MACROD2: variants seen among roughly 807,000 people sequenced by gnomAD.
The protein encoded by MACROD2 is ADP-ribose glycohydrolase MACROD2.
MACROD2 carries 36 observed loss-of-function variants against 70.4 expected under a neutral mutation model. The ratio of observed to expected loss-of-function variants is 0.51; its 90% CI spans 0.39 to 0.68. The LOEUF is 0.68. Among genes scored for constraint, MACROD2 ranks in the 30% least tolerant of loss-of-function variants. MACROD2 has a pLI of 0.00. For synonymous variants in MACROD2, 172 were observed against 178.8 expected, an observed-to-expected ratio of 0.96 and a Z score of 0.30; for missense variants, 496 against 538.4, an observed-to-expected ratio of 0.92 and a Z score of 0.78.
chr20:14,353,083 G>C (rs762052220), intron 3 of MACROD2, among the ~76,000 whole-genome samples: 7 of 151,994 alleles, frequency 4.6e-5, no homozygotes, highest in Non-Finnish European at 7.4e-5. Context: ...ATTATGAGTG[G>C]CTTAAACAAT....
At chr20:14,575,610 T>G (rs1007646316) in intron 4 of MACROD2, among the ~76,000 whole-genome samples, 1 of 152,322 alleles carries the variant, frequency 6.6e-6, no homozygotes, top group Non-Finnish European at 1.5e-5. Flanking sequence ...AATTGAATTT[T>G]AGTGAGTATT....
chr20:15,399,494 C>G (rs1180786176), intron 6 of MACROD2, among the ~76,000 whole-genome samples: 1 of 152,166 alleles, frequency 6.6e-6, no homozygotes, highest in Non-Finnish European at 1.5e-5. Context: ...CCTGTTTCCT[C>G]GAGCATTTCC....
intron 8 of MACROD2, among the ~76,000 whole-genome samples, chr20:15,835,703 A>T (rs1341384416): frequency 1.3e-5 from 2 of 152,180 alleles, no homozygotes; most frequent in Non-Finnish European, 2.9e-5. Flanking sequence ...ATAATGAGGA[A>T]ACTGAAGCTT....
At chr20:14,026,727 G>A (rs1022664445) in intron 2 of MACROD2, among the ~76,000 whole-genome samples, 14 of 152,154 alleles carry the variant, frequency 9.2e-5, no homozygotes, top group Admixed American at 2.6e-4. Context: ...TTAGTCTGAT[G>A]GGCTTCCCTT....
At chr20:14,068,893 A>C (rs961602345) in intron 2 of MACROD2, among the ~76,000 whole-genome samples, 1 of 152,160 alleles carries the variant, frequency 6.6e-6, no homozygotes, top group African/African-American at 2.4e-5. Context: ...TTCTGCCCAA[A>C]GATAAATTTT....
At chr20:15,608,425 C>G (rs1303751051) in intron 8 of MACROD2, among the ~76,000 whole-genome samples, 1 of 152,166 alleles carries the variant, frequency 6.6e-6, no homozygotes, top group Non-Finnish European at 1.5e-5. Flanking sequence ...CTCTGCGTAG[C>G]TGTTATTTCC....
intron 8 of MACROD2, among the ~76,000 whole-genome samples, chr20:15,506,871 GC>G (rs1460008109): frequency 6.6e-6 from 1 of 152,168 alleles, no homozygotes; most frequent in African/African-American, 2.4e-5. Context: ...TCTCAGGAAT[GC>G]CTTTTTATGT....
intron 7 of MACROD2, among the ~76,000 whole-genome samples, chr20:15,451,112 T>G (rs986269595): frequency 5.3e-5 from 8 of 152,124 alleles, no homozygotes; most frequent in African/African-American, 1.4e-4. Context: ...TGTGAAATTT[T>G]GTATTGTCTT....
At chr20:14,011,529 G>C (rs913221589) in intron 2 of MACROD2, among the ~76,000 whole-genome samples, 2 of 146,168 alleles carry the variant, frequency 1.4e-5, no homozygotes, top group Admixed American at 7.0e-5. Context: ...CTTTCTCTTC[G>C]ATTTTTTTTT....
chr20:14,140,784 C>T (rs1395099521), intron 3 of MACROD2, among the ~76,000 whole-genome samples: 1 of 152,040 alleles, frequency 6.6e-6, no homozygotes, highest in Non-Finnish European at 1.5e-5. Flanking sequence ...TGCCAGAGAC[C>T]TCTTTATTTT....
At chr20:15,038,137 C>G (rs1178669131) in intron 5 of MACROD2, among the ~76,000 whole-genome samples, 1 of 152,072 alleles carries the variant, frequency 6.6e-6, no homozygotes, top group East Asian at 1.9e-4. Context: ...ATATATGCCA[C>G]CTAGCTAATA....
chr20:15,023,106 T>C (rs2075202039), intron 5 of MACROD2: 1 of 152,112 alleles, frequency 6.6e-6, no homozygotes, highest in South Asian at 2.1e-4. Flanking sequence ...CATGCCCAGA[T>C]CAGGCTTCAG....
intron 11 of MACROD2, among the ~76,000 whole-genome samples, chr20:15,936,671 GTATATA>G (rs10626103): frequency 1.4e-5 from 2 of 143,268 alleles, no homozygotes; most frequent in African/African-American, 5.2e-5. Flanking sequence ...GTATATGTGT[GTATATA>G]TATATATATA....
chr20:14,596,234 C>T (rs1229459770), intron 4 of MACROD2, among the ~76,000 whole-genome samples: 1 of 151,544 alleles, frequency 6.6e-6, no homozygotes, highest in South Asian at 2.1e-4. Context: ...TACATACAGG[C>T]GCCCGCCACC....
intron 8 of MACROD2, among the ~76,000 whole-genome samples, chr20:15,810,624 G>T (rs2147086273): frequency 6.6e-6 from 1 of 152,284 alleles, no homozygotes; most frequent in South Asian, 2.1e-4. Context: ...AGCCCGCATT[G>T]CCAAGTCAAT....
chr20:15,072,235 G>A lies in MACROD2; in HGVS notation c.419-157705G>A, dbSNP rs973775843. On this transcript the variant is annotated intron_variant, in intron 5 of 17. Transcript: ENST00000684519. ...CCTTTGTTGACAAATAGTTACAGGC[G>A]TGACTGATTTGATAGTTCATTGGAA... Among the ~76,000 whole-genome samples the A allele has an allele frequency of 3.3e-5, 5 of 152,230 alleles. No individual in the cohort carries two copies. In the East Asian group the frequency reaches 7.7e-4, roughly 23 times the overall value.
At chr20:15,899,766 C>T (rs2065037290) in intron 10 of MACROD2, among the ~76,000 whole-genome samples, 1 of 152,080 alleles carries the variant, frequency 6.6e-6, no homozygotes, top group African/African-American at 2.4e-5. Flanking sequence ...GGAAACTGAA[C>T]CCTTGCAATT....
chr20:14,744,636 A>G (rs900272881), intron 5 of MACROD2, among the ~76,000 whole-genome samples: 2 of 152,200 alleles, frequency 1.3e-5, no homozygotes, highest in Non-Finnish European at 2.9e-5. Flanking sequence ...GGGTTTTACC[A>G]GATAACTTAC....
chr20:14,520,863 T>G (rs1384702742), intron 4 of MACROD2, among the ~76,000 whole-genome samples: 1 of 152,136 alleles, frequency 6.6e-6, no homozygotes. Context: ...CCTGAGAAGC[T>G]TCTTTCTTCA....
Sources: allele counts gnomAD v4.1 joint callset (sites outside exome capture counted in the v4.1 genomes callset), GRCh38; gene constraint gnomAD v4.1.1; transcripts MANE v1.5; gene names NCBI Gene and HGNC (gene_info 2026-07-23, HGNC 2026-07-21).